RGS6: variants seen among roughly 807,000 people sequenced by gnomAD.
RGS6 encodes the protein regulator of G protein signaling 6.
Under a neutral mutation model 78.5 loss-of-function variants are expected in RGS6, and 30 were observed. The observed-to-expected ratio is 0.38, with a 90% CI of 0.29 to 0.52. RGS6 has a LOEUF of 0.52. RGS6 is among the 20% of genes least tolerant of loss of function. RGS6 has a pLI of 0.85. For synonymous variants in RGS6, 206 were observed against 206.0 expected, an observed-to-expected ratio of 1.00 and a Z score of 0.00; for missense variants, 495 against 609.7, an observed-to-expected ratio of 0.81 and a Z score of 1.98.
rs1164903755 is a variant in RGS6, at chr14:72,319,221, A to G, written c.85-32874A>G. ...AGACAAATCAAAAGATAACATTACC[A>G]TGATCTTGACGACTTAAAGAAACCA... On this transcript the variant is annotated intron_variant, in intron 2 of 17. Transcript: ENST00000553525. Among the ~76,000 whole-genome samples, 3 of 152,270 alleles carry G rather than the reference A, an allele frequency of 2.0e-5. No individual in the cohort carries two copies. In the East Asian group the frequency reaches 5.8e-4, roughly 29 times the overall value.
At chr14:71,968,378 T>C (rs1204906344) in intron 2 of RGS6, among the ~76,000 whole-genome samples, 1 of 152,206 alleles carries the variant, frequency 6.6e-6, no homozygotes, top group Non-Finnish European at 1.5e-5. Context: ...TCTTTTACAA[T>C]ATCCAGACAT....
chr14:72,446,035 G>T (rs1343397338), intron 3 of RGS6, among the ~76,000 whole-genome samples: 1 of 152,128 alleles, frequency 6.6e-6, no homozygotes, highest in African/African-American at 2.4e-5. Context: ...AAGGCAGGAG[G>T]ATCACTTCAG....
At chr14:72,068,434 C>T (rs1446388843) in intron 2 of RGS6, among the ~76,000 whole-genome samples, 1 of 151,336 alleles carries the variant, frequency 6.6e-6, no homozygotes, top group Non-Finnish European at 1.5e-5. Context: ...TGCATCTGGC[C>T]GAATATCAGT....
intron 2 of RGS6, among the ~76,000 whole-genome samples, chr14:72,137,293 C>G (rs2153604129): frequency 6.6e-6 from 1 of 152,310 alleles, no homozygotes; most frequent in Admixed American, 6.5e-5. Context: ...GAATATTTAA[C>G]CCTATTGTAA....
chr14:72,224,850 A>G (rs1487560953), intron 2 of RGS6, among the ~76,000 whole-genome samples: 1 of 152,096 alleles, frequency 6.6e-6, no homozygotes, highest in Non-Finnish European at 1.5e-5. Flanking sequence ...AAGTAGCTCC[A>G]CCTATGACTC....
chr14:72,036,110 A>G (rs774873665), intron 2 of RGS6, among the ~76,000 whole-genome samples: 2 of 152,042 alleles, frequency 1.3e-5, no homozygotes, highest in Non-Finnish European at 1.5e-5. Context: ...GGTCACATAA[A>G]TGAAATCCTA....
chr14:72,459,560 T>G, intron 5 of RGS6, 72 bp from the exon 6 acceptor site: 1 of 1,421,280 alleles, frequency 7.0e-7, no homozygotes, highest in Non-Finnish European at 9.9e-7. Flanking sequence ...TCAGGGAGGC[T>G]CCTCCCTGGG....
chr14:72,584,480 C>T, the RGS6 span, among the ~76,000 whole-genome samples: 8 of 152,136 alleles, frequency 5.3e-5, no homozygotes, highest in South Asian at 8.3e-4. Context: ...AAGTCCTCTC[C>T]GAAAAGCTGA....
chr14:72,460,922 G>T (rs911998515), intron 6 of RGS6, among the ~76,000 whole-genome samples: 2 of 151,934 alleles, frequency 1.3e-5, no homozygotes, highest in South Asian at 4.1e-4. Context: ...GAATACAAGC[G>T]AGTTGTACCT....
In RGS6 at chr14:72,245,426, A is replaced by G. The variant is rs545462291; in HGVS notation, c.85-106669A>G. Among the ~76,000 whole-genome samples, 22 of 152,340 alleles carry G rather than the reference A, an allele frequency of 1.4e-4. 1 individual carries two copies. In the East Asian group the frequency reaches 3.1e-3, roughly 21 times the overall value. The stretch of plus-strand genomic sequence containing the variant: ...CAATCCAGTCATTAGCATTATTTCT[A>G]TAGATGTTAAATTAACTGAAAGTAT... On this transcript the variant is annotated intron_variant, in intron 2 of 17. Transcript: ENST00000553525.
chr14:71,955,531 T>A (rs1016563603), intron 1 of RGS6, among the ~76,000 whole-genome samples: 2 of 152,206 alleles, frequency 1.3e-5, no homozygotes, highest in African/African-American at 2.4e-5. Flanking sequence ...TATTTCTTGA[T>A]TATATGCTAA....
intron 3 of RGS6, among the ~76,000 whole-genome samples, chr14:72,405,491 C>A (rs551426869): frequency 1.3e-5 from 2 of 152,358 alleles, no homozygotes; most frequent in South Asian, 4.1e-4. Context: ...TAGCTCCACC[C>A]ATAACAGTGT....
the RGS6 span, among the ~76,000 whole-genome samples, chr14:71,870,260 A>T: frequency 6.6e-6 from 1 of 152,192 alleles, no homozygotes; most frequent in Non-Finnish European, 1.5e-5. Flanking sequence ...TAAAGAAAAC[A>T]GAATAGCCAG....
chr14:72,294,973 C>CT (rs1347166159), intron 2 of RGS6, among the ~76,000 whole-genome samples: 1 of 152,308 alleles, frequency 6.6e-6, no homozygotes, highest in East Asian at 1.9e-4. Flanking sequence ...ACTTGGTATG[C>CT]TTTTGCATGC....
At chr14:71,902,896 T>C in the RGS6 span, among the ~76,000 whole-genome samples, 1 of 152,196 alleles carries the variant, frequency 6.6e-6, no homozygotes, top group African/African-American at 2.4e-5. Flanking sequence ...CTGTTTACAT[T>C]ATTGGAATGA....
At chr14:71,947,502 C>G (rs561552708) in intron 1 of RGS6, among the ~76,000 whole-genome samples, 2 of 151,974 alleles carry the variant, frequency 1.3e-5, no homozygotes, top group African/African-American at 4.8e-5. Flanking sequence ...TTGTTGTTTT[C>G]GAGACAGGGT....
chr14:72,410,193 G>A (rs770664630), intron 3 of RGS6, among the ~76,000 whole-genome samples: 249 of 152,292 alleles, frequency 1.6e-3, no homozygotes, highest in Middle Eastern at 0.01. Flanking sequence ...GTGTAAAAGT[G>A]TTCCTATTTC....
At chr14:72,370,715 GA>G (rs78999094) in intron 3 of RGS6, among the ~76,000 whole-genome samples, 5 of 151,866 alleles carry the variant, frequency 3.3e-5, no homozygotes, top group Non-Finnish European at 7.4e-5. Context: ...CCAGAGTGTT[GA>G]AAAAAAAATT....
chr14:72,560,289 G>A (rs1365542896), intron 17 of RGS6, among the ~76,000 whole-genome samples: 1 of 152,194 alleles, frequency 6.6e-6, no homozygotes, highest in Non-Finnish European at 1.5e-5. Flanking sequence ...GCACCTAAAA[G>A]GAGAGCAAAC....
Sources: allele counts gnomAD v4.1 joint callset (sites outside exome capture counted in the v4.1 genomes callset), GRCh38; gene constraint gnomAD v4.1.1; transcripts MANE v1.5; gene names NCBI Gene and HGNC (gene_info 2026-07-23, HGNC 2026-07-21).